The following DMD variants were observed in gnomAD, a reference collection of about 807,000 sequenced individuals.
DMD encodes mutant dystrophin.
A neutral mutation model predicts 330.1 loss-of-function variants in DMD; 63 were observed. The observed-to-expected ratio is 0.19, with a 90% CI of 0.16 to 0.24. The LOEUF is 0.24. DMD is among the 10% of genes least tolerant of loss of function. DMD has a pLI of 1.00. For missense variants in DMD, 3,344 were observed against 2,684.1 expected, an observed-to-expected ratio of 1.25 and a Z score of -5.43; for synonymous variants, 1,223 against 959.8, an observed-to-expected ratio of 1.27 and a Z score of -5.07.
intron 44 of DMD, among the ~76,000 whole-genome samples, chrX:32,161,096 G>A (rs1375349573): frequency 9.0e-6 from 1 of 111,590 alleles, no homozygotes; most frequent in Non-Finnish European, 1.9e-5. Flanking sequence ...TGCAAACATA[G>A]TGAAGGACAG....
At chrX:32,047,390 A>G (rs1186915472) in intron 44 of DMD, among the ~76,000 whole-genome samples, 1 of 111,814 alleles carries the variant, frequency 8.9e-6, no homozygotes, top group Non-Finnish European at 1.9e-5. Context: ...AGATAAGTTC[A>G]CATCTTATTA....
chrX:32,811,208 G>A (rs1436490289), intron 6 of DMD, among the ~76,000 whole-genome samples: 1 of 107,669 alleles, frequency 9.3e-6, no homozygotes. Context: ...AGCCAAGTGT[G>A]CTGGCATGCC....
At chrX:32,081,005 C>T (rs181727271) in intron 44 of DMD, among the ~76,000 whole-genome samples, 15 of 112,013 alleles carry the variant, frequency 1.3e-4, no homozygotes, top group Non-Finnish European at 2.8e-4. Context: ...GATTGACCCA[C>T]GTCTTGACAA....
intron 30 of DMD, among the ~76,000 whole-genome samples, chrX:32,409,597 T>C (rs985932779): frequency 8.9e-6 from 1 of 111,778 alleles, no homozygotes; most frequent in Non-Finnish European, 1.9e-5. Context: ...AATAGTATAA[T>C]AGCTTTGCCT....
At chrX:31,337,668 T>C (rs978401757) in intron 61 of DMD, among the ~76,000 whole-genome samples, 2 of 112,097 alleles carry the variant, frequency 1.8e-5, no homozygotes, top group East Asian at 5.6e-4. Flanking sequence ...TTCTGGGTAG[T>C]GTAAAAATAC....
intron 1 of DMD, among the ~76,000 whole-genome samples, chrX:33,235,923 T>A (rs911228907): frequency 5.3e-4 from 56 of 104,844 alleles, no homozygotes; most frequent in African/African-American, 1.9e-3. Context: ...ATTATTTTTT[T>A]TTTTTTTTAT....
chrX:33,301,600 G>T (rs2053662408), intron 1 of DMD, among the ~76,000 whole-genome samples: 1 of 111,761 alleles, frequency 8.9e-6, no homozygotes, highest in African/African-American at 3.3e-5. Flanking sequence ...GAAATTAATT[G>T]TTCGCAGTTC....
chrX:32,863,902 C>T (rs1382939994), intron 2 of DMD, among the ~76,000 whole-genome samples: 4 of 111,726 alleles, frequency 3.6e-5, no homozygotes, highest in African/African-American at 1.3e-4. Flanking sequence ...TCTTCCATGC[C>T]TGTAAGGGTC....
At chrX:32,302,790 T>A (rs10126495) in intron 42 of DMD, among the ~76,000 whole-genome samples, 150 of 111,357 alleles carry the variant, frequency 1.3e-3, no homozygotes, top group African/African-American at 4.7e-3. Flanking sequence ...CAGTCGTACA[T>A]GATTTCACTG....
At chrX:32,926,095 CA>C (rs1421597260) in intron 2 of DMD, among the ~76,000 whole-genome samples, 1 of 112,392 alleles carries the variant, frequency 8.9e-6, no homozygotes, top group Non-Finnish European at 1.9e-5. Flanking sequence ...GTCACACACA[CA>C]CACAATGGAA....
intron 2 of DMD, among the ~76,000 whole-genome samples, chrX:32,994,154 C>T (rs1251635645): frequency 1.8e-5 from 2 of 110,074 alleles, no homozygotes; most frequent in Non-Finnish European, 3.8e-5. Context: ...GGTCTTATGG[C>T]CTACTTCAGA....
At chrX:32,923,775 A>C (rs2146600870) in intron 2 of DMD, among the ~76,000 whole-genome samples, 1 of 111,575 alleles carries the variant, frequency 9.0e-6, no homozygotes, top group East Asian at 2.8e-4. Flanking sequence ...TTTTTCAGGG[A>C]TTGTCTGGTT....
intron 11 of DMD, among the ~76,000 whole-genome samples, chrX:32,628,190 C>A (rs1292592458): frequency 4.7e-5 from 5 of 105,522 alleles, no homozygotes; most frequent in African/African-American, 1.0e-4. Flanking sequence ...CTGCCCCCGA[C>A]CCACTAGCAT....
Position 31,182,781 on chromosome X carries a change from C to T in DMD, c.9931G>A (p.Ala3311Thr), listed in dbSNP as rs1348920866. 5.0e-6 allele frequency: 6 copies of T among 1,209,776 alleles called. No homozygotes were observed. The highest frequency in any genetic ancestry group is 1.7e-5 in the African/African-American group (1 of 57,245). Reference sequence around the variant, plus strand: ...CACTCTTTGCAGATGTTACATTTGGCCTGATGCTTGGCAGTTTCTGCAGCA... The same window carrying T: ...CACTCTTTGCAGATGTTACATTTGGTCTGATGCTTGGCAGTTTCTGCAGCA... Reference protein sequence around the residue: ...VAAAETAKHQAKCNICKECPI... With the variant: ...VAAAETAKHQTKCNICKECPI... The change falls in exon 68 of 79, where the codon GCC (alanine) becomes ACC (threonine). Residue 3311 changes from alanine to threonine, a missense_variant. Coordinates refer to ENST00000357033, the MANE Select transcript of DMD (RefSeq NM_004006.3).
At chrX:31,955,003 C>CAAAAA (rs530305580) in intron 45 of DMD, among the ~76,000 whole-genome samples, 1 of 60,269 alleles carries the variant, frequency 1.7e-5, no homozygotes, top group Admixed American at 2.1e-4. Flanking sequence ...CTGCCTCTAC[C>CAAAAA]AAAAAAAAAA....
chrX:33,164,716 A>G (rs2048966941), intron 1 of DMD, among the ~76,000 whole-genome samples: 3 of 111,131 alleles, frequency 2.7e-5, no homozygotes, highest in Admixed American at 1.9e-4. Context: ...CTTTCATACG[A>G]AAAATGTTCT....
At position 31,871,029 on chromosome X, in the gene DMD, T is replaced by C. The variant is rs367723359; in HGVS notation, c.7098+4159A>G. Among the ~76,000 whole-genome samples the C allele has an allele frequency of 2.1e-4, 23 of 112,060 alleles. No homozygotes were observed. In the East Asian group the frequency reaches 2.8e-3, roughly 14 times the overall value. ...AAGGTTAAAAACATAAGACCCTTTATAGAAATTCTAAACTGGTCCCGGGAT... is the reference window on the plus strand; with the variant it reads ...AAGGTTAAAAACATAAGACCCTTTACAGAAATTCTAAACTGGTCCCGGGAT... On this transcript the variant is annotated intron_variant, in intron 48 of 78. Coordinates refer to ENST00000357033, the MANE Select transcript of DMD (RefSeq NM_004006.3).
intron 15 of DMD, among the ~76,000 whole-genome samples, chrX:32,568,299 G>A (rs1195981578): frequency 9.0e-6 from 1 of 111,376 alleles, no homozygotes; most frequent in African/African-American, 3.3e-5. Context: ...CACGAGGTCA[G>A]GAGTTCCAGA....
rs187431741 is a variant in DMD, at chrX:32,795,004, A to G, written c.649+14489T>C. Among the ~76,000 whole-genome samples, 394 of 112,399 alleles carry G rather than the reference A, an allele frequency of 3.5e-3. 2 individuals carry two copies. Among genetic ancestry groups the G allele is most frequent in the African/African-American group, 0.012 (374 of 30,947 alleles). ...ACAGAACACTGACAAAACAAATTGA[A>G]GAGTACACCAACAAATGGAAAGTCA... is the stretch of plus-strand genomic sequence containing the variant. On this transcript the variant is annotated intron_variant, in intron 7 of 78. Transcript: ENST00000357033.
Sources: gnomAD v4.1 joint callset for allele counts (sites outside exome capture counted in the v4.1 genomes callset) on GRCh38, gnomAD v4.1.1 for gene constraint, MANE v1.5 for transcripts, NCBI Gene and HGNC (gene_info 2026-07-23, HGNC 2026-07-21) for gene names.